Variants in PLAC1 observed in about 807,000 individuals in gnomAD.
PLAC1 encodes placenta-specific protein 1.
For missense variants in PLAC1, 136 were observed against 163.2 expected, an observed-to-expected ratio of 0.83 and a Z score of 0.91; for synonymous variants, 68 against 62.1, an observed-to-expected ratio of 1.09 and a Z score of -0.44.
chrX:134,681,449 G>GCA (rs1195880501), intron 2 of PLAC1, among the ~76,000 whole-genome samples: 2 of 111,080 alleles, frequency 1.8e-5, no homozygotes, highest in Non-Finnish European at 3.8e-5. Flanking sequence ...GTCACGACAT[G>GCA]CACACACACA....
intron 2 of PLAC1, among the ~76,000 whole-genome samples, chrX:134,696,858 C>T (rs2078565583): frequency 9.2e-6 from 1 of 109,240 alleles, no homozygotes; most frequent in South Asian, 4.0e-4. Context: ...GAAAACCCAT[C>T]TCTACTAAAA....
intron 2 of PLAC1, among the ~76,000 whole-genome samples, chrX:134,685,107 T>C (rs550238216): frequency 3.6e-5 from 4 of 112,078 alleles, no homozygotes; most frequent in African/African-American, 1.3e-4. Context: ...GCTGAGTGAG[T>C]GGCTGTGTGT....
At chrX:134,589,238 C>A (rs756600508) in intron 2 of PLAC1, among the ~76,000 whole-genome samples, 3 of 111,504 alleles carry the variant, frequency 2.7e-5, no homozygotes, top group Non-Finnish European at 5.6e-5. Context: ...TTCGCTTGTT[C>A]CCTTGGGGAA....
At chrX:134,682,136 A>G (rs1421606032) in intron 2 of PLAC1, among the ~76,000 whole-genome samples, 1 of 112,412 alleles carries the variant, frequency 8.9e-6, no homozygotes, top group Non-Finnish European at 1.9e-5. Context: ...TAGTTTCAGC[A>G]TACGTTGATG....
intron 1 of PLAC1, among the ~76,000 whole-genome samples, chrX:134,630,761 G>A (rs1250194889): frequency 5.4e-5 from 6 of 111,962 alleles, no homozygotes. Context: ...CTTAGTCTTG[G>A]ACTACTCATC....
intron 2 of PLAC1, among the ~76,000 whole-genome samples, chrX:134,581,292 G>A (rs1436738485): frequency 5.5e-5 from 6 of 109,959 alleles, no homozygotes; most frequent in Non-Finnish European, 1.1e-4. Context: ...GGCATAAGTT[G>A]GGTTTTTACA....
intron 2 of PLAC1, among the ~76,000 whole-genome samples, chrX:134,700,322 T>C (rs903004738): frequency 8.9e-6 from 1 of 112,093 alleles, no homozygotes; most frequent in Non-Finnish European, 1.9e-5. Flanking sequence ...AGATGCTCAA[T>C]ACAGTAGAAG....
At chrX:134,649,361 T>G (rs776442260) in intron 1 of PLAC1, among the ~76,000 whole-genome samples, 1 of 111,494 alleles carries the variant, frequency 9.0e-6, no homozygotes, top group East Asian at 2.8e-4. Context: ...CTTTTGAGGT[T>G]ATTTACATCT....
At chrX:134,645,485 G>A (rs771845624) in intron 1 of PLAC1, among the ~76,000 whole-genome samples, 1 of 111,425 alleles carries the variant, frequency 9.0e-6, no homozygotes, top group Non-Finnish European at 1.9e-5. Flanking sequence ...TGACTTTCTG[G>A]GATGTCTCCC....
At chrX:134,611,838 G>A (rs1159731145) in intron 1 of PLAC1, among the ~76,000 whole-genome samples, 3 of 111,005 alleles carry the variant, frequency 2.7e-5, no homozygotes, top group Admixed American at 9.7e-5. Context: ...CCCAACTCTA[G>A]GTCACACTTG....
intron 2 of PLAC1, among the ~76,000 whole-genome samples, chrX:134,673,765 C>T (rs2078464051): frequency 8.9e-6 from 1 of 111,749 alleles, no homozygotes; most frequent in South Asian, 3.8e-4. Context: ...AAGGGGCTGG[C>T]CTTGCTTTCC....
chrX:134,612,305 C>T (rs973709397), intron 1 of PLAC1, among the ~76,000 whole-genome samples: 5 of 111,898 alleles, frequency 4.5e-5, no homozygotes, highest in Admixed American at 3.8e-4. Flanking sequence ...AACAATAGTA[C>T]CTCACTTTTA....
chrX:134,689,160 G>A (rs777351906), intron 2 of PLAC1, among the ~76,000 whole-genome samples: 1 of 111,380 alleles, frequency 9.0e-6, no homozygotes, highest in East Asian at 2.8e-4. Context: ...TGGATTCCTA[G>A]AAGAGCCCAC....
intron 2 of PLAC1, among the ~76,000 whole-genome samples, chrX:134,584,847 C>T (rs913013841): frequency 1.8e-5 from 2 of 110,882 alleles, no homozygotes; most frequent in Non-Finnish European, 3.8e-5. Flanking sequence ...ATCTTGAATC[C>T]TGGATTATTT....
chrX:134,685,449 CTT>C (rs200498313), intron 2 of PLAC1, among the ~76,000 whole-genome samples: 3 of 49,136 alleles, frequency 6.1e-5, no homozygotes, highest in East Asian at 6.2e-4. Flanking sequence ...AATGGCGTCC[CTT>C]TTTTTTTTTT....
chrX:134,756,994 A>T (rs755570241), intron 1 of PLAC1, among the ~76,000 whole-genome samples: 6 of 112,312 alleles, frequency 5.3e-5, no homozygotes, highest in Admixed American at 2.8e-4. Flanking sequence ...ATTTGAAGTG[A>T]CATGAAAAAC....
chrX:134,619,035 C>T (rs1230634137), intron 1 of PLAC1, among the ~76,000 whole-genome samples: 3 of 112,142 alleles, frequency 2.7e-5, no homozygotes, highest in Non-Finnish European at 5.6e-5. Context: ...CCCATGGGTA[C>T]CTATCCTTCA....
chrX:134,663,055 T>C (rs919811258), upstream of PLAC1, among the ~76,000 whole-genome samples: 1 of 112,547 alleles, frequency 8.9e-6, no homozygotes. Context: ...ACTTAAAAAT[T>C]GTGTTGTCTC....
chrX:134,655,409 T>C (rs1265279124), intron 1 of PLAC1, among the ~76,000 whole-genome samples: 3 of 110,483 alleles, frequency 2.7e-5, no homozygotes, highest in Middle Eastern at 4.2e-3. Context: ...CCCACTAAAT[T>C]CTTCAGAATG....
Sources: allele counts gnomAD v4.1 joint callset (sites outside exome capture counted in the v4.1 genomes callset), GRCh38; gene constraint gnomAD v4.1.1; transcripts MANE v1.5; gene names NCBI Gene and HGNC (gene_info 2026-07-23, HGNC 2026-07-21).